DLG1: variants seen among roughly 807,000 people sequenced by gnomAD.
DLG1 encodes discs large MAGUK scaffold protein 1.
A neutral mutation model predicts 123.4 loss-of-function variants in DLG1; 42 were observed. The observed-to-expected ratio is 0.34, with a 90% CI of 0.27 to 0.44. The LOEUF (loss-of-function observed/expected upper bound fraction) is 0.44, where lower values mean the gene tolerates loss of function less well. DLG1 is among the 20% of genes least tolerant of loss of function. The pLI, the probability that DLG1 is intolerant of heterozygous loss-of-function variation, is 1.00. For missense variants in DLG1, 942 were observed against 1,082.6 expected, an observed-to-expected ratio of 0.87 and a Z score of 1.82; for synonymous variants, 317 against 356.2, an observed-to-expected ratio of 0.89 and a Z score of 1.24.
At chr3:197,073,051 T>C (rs1444847134) in intron 18 of DLG1, among the ~76,000 whole-genome samples, 1 of 152,212 alleles carries the variant, frequency 6.6e-6, no homozygotes, top group Non-Finnish European at 1.5e-5. Flanking sequence ...CCAAGTTTTA[T>C]CATTGTACTC....
At chr3:197,060,046 C>T in intron 22 of DLG1, 48 bp from the exon 23 acceptor site, 2 of 1,335,794 alleles carry the variant, frequency 1.5e-6, no homozygotes, top group South Asian at 1.2e-5. Flanking sequence ...CAAATATTCT[C>T]AATAATATCA....
Position 197,230,583 on chromosome 3 carries a change from A to T in DLG1, c.319-35994T>A, listed in dbSNP as rs149555698. On this transcript the variant is annotated intron_variant, in intron 4 of 24. Coordinates refer to ENST00000667157, the MANE Select transcript of DLG1 (RefSeq NM_001366207.1). ...AGTCCAAAAGAAGCTAAACTTGTAGACCAGCAGTGTTTAAATAAGCAGTGT... is the reference window on the plus strand; with the variant it reads ...AGTCCAAAAGAAGCTAAACTTGTAGTCCAGCAGTGTTTAAATAAGCAGTGT... Among the ~76,000 whole-genome samples the T allele has an allele frequency of 3.3e-4, 51 of 152,358 alleles. No individual in the cohort carries two copies. In the East Asian group the frequency reaches 7.7e-3, roughly 23 times the overall value.
chr3:197,198,001 AAT>A (rs1218190497), intron 4 of DLG1, among the ~76,000 whole-genome samples: 1 of 152,194 alleles, frequency 6.6e-6, no homozygotes, highest in Non-Finnish European at 1.5e-5. Context: ...CCAAAACTTA[AAT>A]ATGAGTTACA....
Position 197,297,793 on chromosome 3 carries a change from C to A in DLG1, c.-31-558G>T, listed in dbSNP as rs546440654. 81 of 985,576 alleles carry A rather than the reference C, an allele frequency of 8.2e-5. No individual in the cohort carries two copies. In the African/African-American group the frequency reaches 1.3e-3, roughly 16 times the overall value. The allele number at this position is 985,576 out of a possible 1,614,324, so 61.1% of individuals were successfully genotyped here. A position where few individuals can be genotyped will look rare whatever the true frequency, so the allele number is the denominator to read the frequency against. On this transcript the variant is annotated intron_variant, in intron 1 of 24. Transcript: ENST00000667157. The stretch of plus-strand genomic sequence containing the variant: ...TCCGCGGGCCCCCACACCTGCGGCG[C>A]CGCCACAAAGTTCCGGTGAGCGGCG...
chr3:197,175,857 C>T (rs1395464319), intron 5 of DLG1, among the ~76,000 whole-genome samples: 1 of 152,106 alleles, frequency 6.6e-6, no homozygotes, highest in Non-Finnish European at 1.5e-5. Context: ...CTTGAAAATA[C>T]AGGAGAAAAA....
At chr3:197,084,334 C>CA (rs1752926755) in intron 16 of DLG1, among the ~76,000 whole-genome samples, 1 of 148,146 alleles carries the variant, frequency 6.8e-6, no homozygotes, top group African/African-American at 2.5e-5. Flanking sequence ...TTTTTTGAGT[C>CA]AGAGTCTTGC....
chr3:197,163,856 T>C (rs974184199), intron 5 of DLG1, among the ~76,000 whole-genome samples: 10 of 151,904 alleles, frequency 6.6e-5, no homozygotes, highest in African/African-American at 2.2e-4. Context: ...AAATTCTTAA[T>C]CATGCTAGAA....
At chr3:197,221,956 C>G (rs1737318430) in intron 4 of DLG1, among the ~76,000 whole-genome samples, 1 of 152,114 alleles carries the variant, frequency 6.6e-6, no homozygotes, top group Non-Finnish European at 1.5e-5. Context: ...GTACATCCTC[C>G]CATATACTTT....
intron 4 of DLG1, among the ~76,000 whole-genome samples, chr3:197,260,640 G>A (rs1194351951): frequency 1.3e-5 from 2 of 150,446 alleles, no homozygotes; most frequent in East Asian, 3.9e-4. Flanking sequence ...CAAGATATGA[G>A]GTTGACAGGA....
intron 4 of DLG1, among the ~76,000 whole-genome samples, chr3:197,276,836 G>A (rs1285082904): frequency 6.6e-6 from 1 of 151,734 alleles, no homozygotes; most frequent in Admixed American, 6.6e-5. Context: ...TTTTGGTCAT[G>A]GTTAGAAAAG....
At chr3:197,071,642 A>G (rs1303744827) in intron 18 of DLG1, among the ~76,000 whole-genome samples, 2 of 152,200 alleles carry the variant, frequency 1.3e-5, no homozygotes, top group Admixed American at 6.5e-5. Flanking sequence ...TCTTCAAAGC[A>G]TTTTACCAAA....
chr3:197,117,169 C>G (rs984379372), intron 12 of DLG1, among the ~76,000 whole-genome samples: 1 of 151,930 alleles, frequency 6.6e-6, no homozygotes, highest in African/African-American at 2.4e-5. Context: ...ATTAAAAAAA[C>G]CACAAAACAA....
intron 14 of DLG1, among the ~76,000 whole-genome samples, chr3:197,094,232 C>A (rs1458491408): frequency 6.6e-6 from 1 of 152,134 alleles, no homozygotes; most frequent in Non-Finnish European, 1.5e-5. Context: ...ACCATCTGGC[C>A]AGAATCCTGC....
chr3:197,065,320 G>A lies in DLG1; in HGVS notation c.2329C>T (p.Leu777=), dbSNP rs1738790251. 7 of 1,612,266 alleles carry A rather than the reference G, an allele frequency of 4.3e-6. No homozygotes were observed. The highest frequency in any genetic ancestry group is 5.9e-6 in the Non-Finnish European group (7 of 1,179,568). Residue 777 remains leucine (L), a synonymous_variant, in exon 22 of 25, where the codon CTA becomes TTA. Coordinates refer to ENST00000667157, the MANE Select transcript of DLG1 (RefSeq NM_001366207.1). ...FIEAGQYNNH[L]YGTSVQSVRE... ...ACAGACTGAACACTTGTTCCATATA[G>A]ATGATTGTTATACTGGCCAGCTTCA...
At chr3:197,184,344 T>C (rs1301585751) in intron 5 of DLG1, among the ~76,000 whole-genome samples, 1 of 152,202 alleles carries the variant, frequency 6.6e-6, no homozygotes, top group Non-Finnish European at 1.5e-5. Context: ...AATTAAAACA[T>C]ATAAGAGGAT....
chr3:197,131,343 C>T (rs372249133), intron 10 of DLG1, among the ~76,000 whole-genome samples: 24 of 152,186 alleles, frequency 1.6e-4, no homozygotes, highest in African/African-American at 5.1e-4. Context: ...TAAAATGATG[C>T]ATCTTTTAAT....
At chr3:197,150,249 G>T (rs1793199856) in intron 5 of DLG1, among the ~76,000 whole-genome samples, 1 of 151,868 alleles carries the variant, frequency 6.6e-6, no homozygotes, top group South Asian at 2.1e-4. Flanking sequence ...ATCACAGAAA[G>T]AAATCAATTG....
intron 13 of DLG1, among the ~76,000 whole-genome samples, chr3:197,109,835 C>T (rs1488045553): frequency 6.6e-6 from 1 of 152,178 alleles, no homozygotes; most frequent in Non-Finnish European, 1.5e-5. Flanking sequence ...TGCTTTCTGA[C>T]CTCCATGGTT....
intron 1 of DLG1, chr3:197,297,722 G>C (rs1366508611): frequency 2.0e-6 from 2 of 986,594 alleles, no homozygotes; most frequent in Non-Finnish European, 2.4e-6. Context: ...GGCCGGACAG[G>C]GCAGCGGCCG....
Sources: gnomAD v4.1 joint callset for allele counts (sites outside exome capture counted in the v4.1 genomes callset) on GRCh38, gnomAD v4.1.1 for gene constraint, MANE v1.5 for transcripts, NCBI Gene and HGNC (gene_info 2026-07-23, HGNC 2026-07-21) for gene names.